The following MFN2 variants were observed in gnomAD, a reference collection of about 807,000 sequenced individuals.
MFN2 encodes mitofusin-2.
MFN2 carries 43 observed loss-of-function variants against 87.5 expected under a neutral mutation model. That is an observed-to-expected ratio of 0.49 (90% CI 0.38 to 0.63). The LOEUF is 0.63. Among genes scored for constraint, MFN2 ranks in the 30% least tolerant of loss-of-function variants. MFN2 has a pLI of 0.00. For missense variants in MFN2, 743 were observed against 972.8 expected (o/e 0.76, Z 3.14); for synonymous variants, 337 against 359.9 (o/e 0.94, Z 0.72).
chr1:11,997,067 A>G (rs1055806458), intron 5 of MFN2, among the ~76,000 whole-genome samples: 3 of 150,756 alleles, frequency 2.0e-5, no homozygotes, highest in Non-Finnish European at 4.4e-5. Context: ...AGAATCAATC[A>G]GTGCAGAACA....
chr1:11,995,820 G>A (rs922561658), intron 4 of MFN2, among the ~76,000 whole-genome samples: 6 of 152,064 alleles, frequency 3.9e-5, no homozygotes, highest in Non-Finnish European at 8.8e-5. Context: ...GGGGTTAGTC[G>A]GTGTTTCAGG....
rs541570243 is a variant in MFN2, at chr1:11,995,725, AAGG to A, written c.312-425_312-423del. ...ACTCACAAGGTGGAGCTTCATGTGT[AAGG>A]AGGAGCGTGATGGGAGAAAAGCAGC... is the stretch of plus-strand genomic sequence containing the variant. On this transcript the variant is annotated intron_variant, in intron 4 of 18. Coordinates refer to ENST00000235329, the MANE Select transcript of MFN2 (RefSeq NM_014874.4). Among the ~76,000 whole-genome samples, 12 of 152,294 alleles carry A rather than the reference AAGG, an allele frequency of 7.9e-5. No individual in the cohort carries two copies. In the South Asian group the frequency reaches 2.1e-3, roughly 26 times the overall value.
chr1:11,992,783 A>T, intron 4 of MFN2, 93 bp downstream of exon 4: 2 of 1,456,642 alleles, frequency 1.4e-6, no homozygotes, highest in East Asian at 4.5e-5. Context: ...AGGCAGGGAC[A>T]TGCTTCAGAA....
At chr1:11,985,994 C>T (rs1638387729) in intron 2 of MFN2, among the ~76,000 whole-genome samples, 1 of 152,202 alleles carries the variant, frequency 6.6e-6, no homozygotes, top group African/African-American at 2.4e-5. Flanking sequence ...AAACATCTCT[C>T]ATAGCTGTGG....
chr1:12,006,047 GC>G (rs1377615524), intron 15 of MFN2, 116 bp downstream of exon 15: 1 of 919,616 alleles, frequency 1.1e-6, no homozygotes. Context: ...GTGGTGGTGT[GC>G]CCCACCACAC....
At chr1:12,010,314 G>GAACCGCAGGGCCTACAGCGCTT (rs1325480740) in intron 18 of MFN2, among the ~76,000 whole-genome samples, 3 of 152,236 alleles carry the variant, frequency 2.0e-5, no homozygotes, top group African/African-American at 7.2e-5. Flanking sequence ...GCCCTGTGCT[G>GAACCGCAGGGCCTACAGCGCTT]AACCGCAGGG....
chr1:11,983,440 G>A (rs1258779379), intron 2 of MFN2, among the ~76,000 whole-genome samples: 2 of 152,298 alleles, frequency 1.3e-5, no homozygotes, highest in South Asian at 2.1e-4. Flanking sequence ...GGTGCAAGTC[G>A]AGTTCTGTGG....
At chr1:12,002,130 G>A (rs1210360393) in intron 11 of MFN2, 27 bp downstream of exon 11, 18 of 1,613,878 alleles carry the variant, frequency 1.1e-5, no homozygotes, top group Non-Finnish European at 1.5e-5. Context: ...GCAGATAGGT[G>A]GAGAGAGCTG....
intron 2 of MFN2, among the ~76,000 whole-genome samples, chr1:11,986,574 G>A (rs563279894): frequency 5.9e-5 from 9 of 151,374 alleles, no homozygotes; most frequent in Admixed American, 1.3e-4. Context: ...CTTCTGGTGT[G>A]TACGCCTCTT....
rs1253046105 is a variant in MFN2 at position 12,001,962 on chromosome 1, C to T, written c.1039-20C>T. ...GCCCCTGGTGGCCCCCACCTCCCTC[C>T]GTGCCTCTGTGTGTTCCAGGAGTGC... On this transcript the variant is annotated intron_variant, in intron 10 of 18. Coordinates refer to ENST00000235329, the MANE Select transcript of MFN2 (RefSeq NM_014874.4). 12 of 1,614,074 alleles carry T rather than the reference C, an allele frequency of 7.4e-6. No homozygotes were observed. Among genetic ancestry groups the T allele is most frequent in the East Asian group, 4.5e-5 (2 of 44,902 alleles).
chr1:12,007,316 C>T (rs778381573), intron 17 of MFN2, 67 bp downstream of exon 17: 71 of 1,562,708 alleles, frequency 4.5e-5, no homozygotes, highest in Non-Finnish European at 5.8e-5. Context: ...TCTCCCTTCC[C>T]CATCTCTCTT....
chr1:12,008,732 C>G (rs960336189), intron 17 of MFN2, among the ~76,000 whole-genome samples: 1 of 151,822 alleles, frequency 6.6e-6, no homozygotes, highest in African/African-American at 2.4e-5. Context: ...GAGTGGGCAG[C>G]CGGGCAGAGG....
chr1:12,001,652 A>T, intron 9 of MFN2, 98 bp downstream of exon 9: 1 of 1,600,736 alleles, frequency 6.2e-7, no homozygotes, highest in Non-Finnish European at 8.6e-7. Flanking sequence ...TGAGAAGGGG[A>T]TGCTGAGAAG....
intron 16 of MFN2, 86 bp downstream of exon 16, chr1:12,006,779 A>G: frequency 6.5e-7 from 1 of 1,543,548 alleles, no homozygotes. Flanking sequence ...TGGCCCCTGC[A>G]TTGGGCCACA....
chr1:12,002,640 A>G (rs188106911), intron 11 of MFN2, among the ~76,000 whole-genome samples: 3 of 152,336 alleles, frequency 2.0e-5, no homozygotes, highest in African/African-American at 7.2e-5. Flanking sequence ...GTGAGCTGTG[A>G]TCGCACCACT....
chr1:11,992,733 G>A lies in MFN2; in HGVS notation c.311+43G>A, dbSNP rs200607623. On this transcript the variant is annotated intron_variant, in intron 4 of 18. Coordinates refer to ENST00000235329, the MANE Select transcript of MFN2 (RefSeq NM_014874.4). ...CCACCCTTTCTTTCTTCCTGGCTAG[G>A]AGGGAGGGAGGCACTTTGTGCAAGG... 162 of 1,613,976 alleles carry A rather than the reference G, an allele frequency of 1.0e-4. No homozygotes were observed. In the Middle Eastern group the frequency reaches 1.2e-3, roughly 12 times the overall value.
chr1:11,996,776 G>A (rs1039665776), intron 5 of MFN2, among the ~76,000 whole-genome samples: 2 of 152,130 alleles, frequency 1.3e-5, no homozygotes, highest in African/African-American at 2.4e-5. Flanking sequence ...GGTGGCTCAC[G>A]CCTGTAATCC....
At chr1:11,981,349 A>G (rs1336719819) in intron 1 of MFN2, among the ~76,000 whole-genome samples, 1 of 152,202 alleles carries the variant, frequency 6.6e-6, no homozygotes, top group Admixed American at 6.5e-5. Context: ...TGCTAAAACC[A>G]AAAACTAGCC....
chr1:12,006,439 C>A lies in MFN2; in HGVS notation c.1717-99C>A. ...TTGCCTTTTGGAAATTGAAGAGCCA[C>A]TCTGTGTCCCTGTTCCCCAGACTAG... On this transcript the variant is annotated intron_variant, in intron 15 of 18. Transcript: ENST00000235329. 2.0e-6 allele frequency: 3 copies of A among 1,508,996 alleles called. No homozygotes were observed. In the East Asian group the frequency reaches 6.8e-5, roughly 34 times the overall value. The allele number at this position is 1,508,996 out of a possible 1,614,324, so 93.5% of individuals were successfully genotyped here. A position where few individuals can be genotyped will look rare whatever the true frequency, so the allele number is the denominator to read the frequency against.
Sources: gnomAD v4.1 joint callset for allele counts (sites outside exome capture counted in the v4.1 genomes callset) on GRCh38, gnomAD v4.1.1 for gene constraint, MANE v1.5 for transcripts, NCBI Gene and HGNC (gene_info 2026-07-23, HGNC 2026-07-21) for gene names.